Variants in RNF38 observed in about 807,000 individuals in gnomAD.
RNF38 encodes E3 ubiquitin-protein ligase RNF38.
RNF38 carries 15 observed loss-of-function variants against 67.2 expected under a neutral mutation model. That is an observed-to-expected ratio of 0.22 (90% CI 0.15 to 0.34). The LOEUF (loss-of-function observed/expected upper bound fraction) is 0.34, where lower values mean the gene tolerates loss of function less well. RNF38 is among the 10% of genes least tolerant of loss of function. RNF38 has a pLI of 1.00. For synonymous variants in RNF38, 220 were observed against 218.8 expected (o/e 1.01, Z -0.05); for missense variants, 524 against 639.9 (o/e 0.82, Z 1.95).
At chr9:36,343,378 A>T (rs1832983907) in intron 10 of RNF38, among the ~76,000 whole-genome samples, 1 of 152,210 alleles carries the variant, frequency 6.6e-6, no homozygotes, top group South Asian at 2.1e-4. Flanking sequence ...GGTGAGATCT[A>T]TAATATGTAT....
chr9:36,353,061 C>T, intron 7 of RNF38, 109 bp downstream of exon 7: 1 of 1,007,882 alleles, frequency 9.9e-7, no homozygotes, highest in Non-Finnish European at 1.5e-6. Flanking sequence ...CAACTGAATG[C>T]TGTCGAGAAT....
intron 4 of RNF38, among the ~76,000 whole-genome samples, chr9:36,366,106 T>TA (rs1215314170): frequency 6.6e-6 from 1 of 152,110 alleles, no homozygotes; most frequent in African/African-American, 2.4e-5. Flanking sequence ...CTCAAACCAT[T>TA]AAACCATAGC....
At chr9:36,487,597 A>ACTCGC, upstream of RNF38, 57 of 976,946 alleles carry the variant, frequency 5.8e-5, no homozygotes, top group Non-Finnish European at 6.3e-5. Context: ...CTGCGACTCG[A>ACTCGC]CTCCGGCGCG....
chr9:36,344,091 G>C (rs1833042185), intron 10 of RNF38, among the ~76,000 whole-genome samples: 1 of 151,944 alleles, frequency 6.6e-6, no homozygotes. Context: ...TCGGCTCACT[G>C]CAACCTCCAC....
At chr9:36,368,886 C>CT (rs397735166) in intron 4 of RNF38, among the ~76,000 whole-genome samples, 2,938 of 146,044 alleles carry the variant, frequency 0.02, 55 homozygotes, top group East Asian at 0.1. Flanking sequence ...AGACACATGT[C>CT]TTTTTTTTTT....
intron 2 of RNF38, among the ~76,000 whole-genome samples, chr9:36,409,019 T>C (rs1838250510): frequency 6.6e-6 from 1 of 152,132 alleles, no homozygotes; most frequent in South Asian, 2.1e-4. Flanking sequence ...AAACCCTCTC[T>C]CTACTAAAAA....
chr9:36,366,078 C>CAT (rs1834935284), intron 4 of RNF38, among the ~76,000 whole-genome samples: 1 of 152,012 alleles, frequency 6.6e-6, no homozygotes, highest in Non-Finnish European at 1.5e-5. Context: ...CATAAACCCC[C>CAT]ATATCCACCG....
At chr9:36,433,699 A>G (rs1435370628) in intron 1 of RNF38, among the ~76,000 whole-genome samples, 3 of 151,670 alleles carry the variant, frequency 2.0e-5, no homozygotes, top group Non-Finnish European at 4.4e-5. Flanking sequence ...AAAAAAAAAA[A>G]AAAAGAAAGA....
At chr9:36,439,542 A>G (rs1253726551) in intron 1 of RNF38, among the ~76,000 whole-genome samples, 1 of 152,122 alleles carries the variant, frequency 6.6e-6, no homozygotes, top group Non-Finnish European at 1.5e-5. Flanking sequence ...TGGTAGCTCA[A>G]GTCTGTAATC....
chr9:36,406,081 T>C (rs1257965214), upstream of RNF38, among the ~76,000 whole-genome samples: 3 of 152,222 alleles, frequency 2.0e-5, no homozygotes, highest in African/African-American at 7.2e-5. Context: ...ATCAAATATC[T>C]GTTTCCTCCT....
At position 36,341,146 on chromosome 9, in the gene RNF38, C is replaced by A. The variant is rs376298213; in HGVS notation, c.1485+1179G>T. Among the ~76,000 whole-genome samples, 103 of 152,160 alleles carry A rather than the reference C, an allele frequency of 6.8e-4. 2 individuals carry two copies. The highest frequency in any genetic ancestry group is 2.6e-4 in the Admixed American group (4 of 15,280). ...GCTTCAGAGTGGCTTCACAACAAGC[C>A]GCTCATTGATTTTATCTCTGAACAC... On this transcript the variant is annotated intron_variant, in intron 11 of 11. Transcript: ENST00000259605.
chr9:36,358,093 G>T, intron 4 of RNF38, 151 bp from the exon 5 acceptor site: 4 of 630,876 alleles, frequency 6.3e-6, no homozygotes, highest in East Asian at 5.5e-5. Flanking sequence ...AATATTCATT[G>T]TCTTTGTAGG....
intron 4 of RNF38, among the ~76,000 whole-genome samples, chr9:36,367,022 T>A (rs1341403729): frequency 6.6e-6 from 1 of 152,204 alleles, no homozygotes; most frequent in Non-Finnish European, 1.5e-5. Context: ...AGTCTTATCC[T>A]AGTGACCAGA....
chr9:36,383,456 C>T (rs1242174683), intron 2 of RNF38, among the ~76,000 whole-genome samples: 1 of 152,164 alleles, frequency 6.6e-6, no homozygotes. Context: ...TCCCAAAGTG[C>T]TGGGATTATA....
At chr9:36,343,690 A>T (rs996091425) in intron 10 of RNF38, among the ~76,000 whole-genome samples, 2 of 152,244 alleles carry the variant, frequency 1.3e-5, no homozygotes, top group South Asian at 2.1e-4. Context: ...ACGAAAAAAA[A>T]ATATGATCTA....
At chr9:36,361,242 C>G (rs1834511895) in intron 4 of RNF38, among the ~76,000 whole-genome samples, 1 of 151,894 alleles carries the variant, frequency 6.6e-6, no homozygotes, top group South Asian at 2.1e-4. Flanking sequence ...ACCTCTGCCT[C>G]CTGGGATCAC....
At chr9:36,461,221 A>AAAACAAAC (rs755159788) in intron 1 of RNF38, among the ~76,000 whole-genome samples, 29 of 152,338 alleles carry the variant, frequency 1.9e-4, no homozygotes, top group African/African-American at 6.5e-4. Flanking sequence ...ACTCCATCTC[A>AAAACAAAC]AAACAAACAA....
rs191765053 is a variant in RNF38, at chr9:36,390,009, T to A, written c.162+458A>T. On this transcript the variant is annotated intron_variant, in intron 2 of 11. Transcript: ENST00000259605. ...TTTTCATTTTATATTTAAAAAAAAATTTTTAACTCACGTTTACCCACAGGT... is the reference window on the plus strand; with the variant it reads ...TTTTCATTTTATATTTAAAAAAAAAATTTTAACTCACGTTTACCCACAGGT... Among the ~76,000 whole-genome samples, 267 of 152,270 alleles carry A rather than the reference T, an allele frequency of 1.8e-3. 3 individuals are homozygous for A. In the East Asian group the frequency reaches 0.04, roughly 23 times the overall value.
intron 3 of RNF38, among the ~76,000 whole-genome samples, chr9:36,371,675 C>G (rs1421620090): frequency 1.3e-5 from 2 of 152,032 alleles, no homozygotes; most frequent in Non-Finnish European, 2.9e-5. Context: ...TGGTCTCGAA[C>G]TCCTGACCTC....
Sources: allele counts gnomAD v4.1 joint callset (sites outside exome capture counted in the v4.1 genomes callset), GRCh38; gene constraint gnomAD v4.1.1; transcripts MANE v1.5; gene names NCBI Gene and HGNC (gene_info 2026-07-23, HGNC 2026-07-21).